Variants in MAP3K9 observed in about 807,000 individuals in gnomAD.
MAP3K9 encodes the protein mixed lineage kinase 1 (tyr and ser/thr specificity).
A neutral mutation model predicts 95.8 loss-of-function variants in MAP3K9; 46 were observed. That is an observed-to-expected ratio of 0.48 (90% CI 0.38 to 0.61). MAP3K9 has a LOEUF of 0.61. Ranked by LOEUF, MAP3K9 falls within the 20% of genes least tolerant of loss-of-function variation. MAP3K9 has a pLI of 0.00. For synonymous variants in MAP3K9, 533 were observed against 593.8 expected, an observed-to-expected ratio of 0.90 and a Z score of 1.49; for missense variants, 1,296 against 1,474.3, an observed-to-expected ratio of 0.88 and a Z score of 1.98.
intron 1 of MAP3K9, 29 bp downstream of exon 1, chr14:70,808,737 C>T (rs969215593): frequency 4.9e-5 from 71 of 1,438,466 alleles, no homozygotes; most frequent in Non-Finnish European, 6.4e-5. Flanking sequence ...GTCATTCCCC[C>T]TCCCCGCCCG....
chr14:70,767,931 A>G (rs1014858334), intron 2 of MAP3K9, among the ~76,000 whole-genome samples: 4 of 152,060 alleles, frequency 2.6e-5, no homozygotes, highest in Admixed American at 1.3e-4. Context: ...CTTCCCAAAC[A>G]CTGGAATTAC....
chr14:70,797,052 A>G (rs1458261449), intron 2 of MAP3K9, among the ~76,000 whole-genome samples: 1 of 152,226 alleles, frequency 6.6e-6, no homozygotes, highest in Non-Finnish European at 1.5e-5. Flanking sequence ...TTTAAAGTAG[A>G]TGACCAAGAT....
chr14:70,758,401 G>C (rs1174244028), intron 3 of MAP3K9, among the ~76,000 whole-genome samples: 2 of 151,984 alleles, frequency 1.3e-5, no homozygotes, highest in Non-Finnish European at 2.9e-5. Context: ...GCAATAACAA[G>C]TATTGAAAAG....
chr14:70,803,648 A>T (rs1283277488), intron 1 of MAP3K9, among the ~76,000 whole-genome samples: 1 of 152,232 alleles, frequency 6.6e-6, no homozygotes, highest in African/African-American at 2.4e-5. Flanking sequence ...CAGTCTGCAC[A>T]AAGGAAACTC....
chr14:70,733,959 C>T lies in MAP3K9; in HGVS notation c.2026+427G>A, dbSNP rs760781344. 1.1e-4 allele frequency among the ~76,000 whole-genome samples: 17 copies of T among 152,174 alleles called. No individual in the cohort carries two copies. In the East Asian group the frequency reaches 1.2e-3, roughly 10 times the overall value. Reference sequence around the variant, plus strand: ...TCTCAGACTTGTAACTGAGGCCTTTCGGAGGCTCTCAGGCCTCAGACTGGG... The same window carrying T: ...TCTCAGACTTGTAACTGAGGCCTTTTGGAGGCTCTCAGGCCTCAGACTGGG... On this transcript the variant is annotated intron_variant, in intron 10 of 11. Coordinates refer to ENST00000554752, the MANE Select transcript of MAP3K9 (RefSeq NM_001284230.2).
At chr14:70,795,555 G>A (rs1382025251) in intron 2 of MAP3K9, among the ~76,000 whole-genome samples, 2 of 151,460 alleles carry the variant, frequency 1.3e-5, no homozygotes, top group African/African-American at 2.4e-5. Flanking sequence ...CAAGAGATCC[G>A]CCCACCTCAG....
intron 1 of MAP3K9, among the ~76,000 whole-genome samples, chr14:70,805,196 T>C (rs1452458626): frequency 1.3e-5 from 2 of 152,250 alleles, no homozygotes; most frequent in Non-Finnish European, 2.9e-5. Flanking sequence ...ACTGAATGTT[T>C]AGGCATATTT....
chr14:70,755,815 C>T lies in MAP3K9; in HGVS notation c.1001+5187G>A, dbSNP rs983926930. ...CAGGGTGAATTATGTTTTCAAACCA[C>T]AATCATCAACCAAACTGGGTCAGGA... On this transcript the variant is annotated intron_variant, in intron 3 of 11. Transcript: ENST00000554752. 5.3e-5 allele frequency among the ~76,000 whole-genome samples: 8 copies of T among 152,210 alleles called. No individual in the cohort carries two copies. In the East Asian group the frequency reaches 1.2e-3, roughly 22 times the overall value.
chr14:70,738,295 C>G lies in MAP3K9; in HGVS notation c.1794G>C (p.Thr598=), dbSNP rs146227942. ...EKRAPKKKGR[T]WGPGTLGQKE... ...TCTGACCAAGCGTCCCTGGCCCCCA[C>G]GTCCGTCCCTTCTTCTTTGGGGCCC... Residue 598 remains threonine (T), a synonymous_variant, in exon 8 of 12, where the codon ACG becomes ACC. Coordinates refer to ENST00000554752, the MANE Select transcript of MAP3K9 (RefSeq NM_001284230.2). 79 of 1,613,944 alleles carry G rather than the reference C, an allele frequency of 4.9e-5. No homozygotes were observed. The East Asian group carries it at 1.6e-3, about 33-fold the overall frequency.
At chr14:70,767,941 C>A (rs2054479755) in intron 2 of MAP3K9, among the ~76,000 whole-genome samples, 1 of 152,146 alleles carries the variant, frequency 6.6e-6, no homozygotes, top group Non-Finnish European at 1.5e-5. Flanking sequence ...ACTGGAATTA[C>A]AGAAGTGAGC....
In MAP3K9 at chr14:70,723,923, G is replaced by A. The variant is rs1371429418; in HGVS notation, c.*6457C>T. 6.6e-6 allele frequency: 1 copy of A among 152,242 alleles called. No homozygotes were observed. The highest frequency in any genetic ancestry group is 2.4e-5 in the African/African-American group (1 of 41,452). 9.4% of individuals were successfully genotyped at this position (152,242 alleles called of 1,614,324 possible). A position where few individuals can be genotyped will look rare whatever the true frequency, so the allele number is the denominator to read the frequency against. ...ATCTGAACTGGAGGTAGAGATAAAC[G>A]ATGAGAATGAAATAAAGATGACAGA... On this transcript the variant is annotated 3_prime_UTR_variant, in exon 12 of 12. Transcript: ENST00000554752.
chr14:70,790,911 A>C (rs905008424), intron 2 of MAP3K9, among the ~76,000 whole-genome samples: 10 of 152,154 alleles, frequency 6.6e-5, no homozygotes, highest in Non-Finnish European at 1.3e-4. Context: ...CAGGTTAAGG[A>C]ATGGAAATTT....
intron 2 of MAP3K9, among the ~76,000 whole-genome samples, chr14:70,786,797 AAG>A (rs2054750561): frequency 6.6e-6 from 1 of 152,150 alleles, no homozygotes; most frequent in Non-Finnish European, 1.5e-5. Context: ...ATAAGCAAAA[AAG>A]AAAGTCAAGA....
rs753791462 is a variant in MAP3K9 at position 70,742,550 on chromosome 14, C to T, written c.1368G>A (p.Leu456=). Residue 456 remains leucine, a synonymous_variant, in exon 6 of 12, where the codon CTG becomes CTA. Coordinates refer to ENST00000554752, the MANE Select transcript of MAP3K9 (RefSeq NM_001284230.2). ...GCAGTTCCTCCTGGTTCTTCTGCTG[C>T]AGTGCAGCCCGCGTCAGCTCCTCCT... The part of the protein sequence containing the change: ...TWEEELTRAA[L]QQKNQEELLR... The T allele has an allele frequency of 6.2e-7, 1 of 1,614,192 alleles. No individual in the cohort carries two copies.
chr14:70,743,303 T>C (rs1322237090), intron 5 of MAP3K9, among the ~76,000 whole-genome samples: 1 of 152,036 alleles, frequency 6.6e-6, no homozygotes, highest in Non-Finnish European at 1.5e-5. Context: ...TTTTCTATTA[T>C]ATAAAAGATG....
chr14:70,801,338 C>A (rs2054928188), intron 1 of MAP3K9, among the ~76,000 whole-genome samples: 1 of 152,206 alleles, frequency 6.6e-6, no homozygotes, highest in Admixed American at 6.5e-5. Flanking sequence ...GAAAATCATG[C>A]AGAATCCTGT....
chr14:70,800,177 TCAC>T (rs1266724126), intron 2 of MAP3K9, among the ~76,000 whole-genome samples: 3 of 152,188 alleles, frequency 2.0e-5, no homozygotes, highest in Non-Finnish European at 2.9e-5. Flanking sequence ...CAAATGGACA[TCAC>T]CACCTGAATC....
chr14:70,784,094 A>G, intron 2 of MAP3K9, among the ~76,000 whole-genome samples: 1 of 151,434 alleles, frequency 6.6e-6, no homozygotes. Context: ...GACCAGCTTG[A>G]CCAACATGGT....
At chr14:70,774,537 C>A (rs867003130) in intron 2 of MAP3K9, among the ~76,000 whole-genome samples, 1 of 151,730 alleles carries the variant, frequency 6.6e-6, no homozygotes, top group African/African-American at 2.4e-5. Context: ...GTGGTGGGCG[C>A]CTGTAATCCC....
Sources: allele counts gnomAD v4.1 joint callset (sites outside exome capture counted in the v4.1 genomes callset), GRCh38; gene constraint gnomAD v4.1.1; transcripts MANE v1.5; gene names NCBI Gene and HGNC (gene_info 2026-07-23, HGNC 2026-07-21).